Variants in ROBO2 observed in about 807,000 individuals in gnomAD.
ROBO2 encodes roundabout homolog 2.
A neutral mutation model predicts 160.8 loss-of-function variants in ROBO2; 53 were observed. That is an observed-to-expected ratio of 0.33 (90% confidence interval 0.26 to 0.41). The LOEUF is 0.41. ROBO2 is among the 10% of genes least tolerant of loss of function. The probability of loss-of-function intolerance (pLI) is 1.00; values close to 1 mark genes in which losing one functional copy is unlikely to be tolerated. For synonymous variants in ROBO2, 664 were observed against 611.7 expected (o/e 1.09, Z -1.26); for missense variants, 1,577 against 1,722.4 (o/e 0.92, Z 1.49).
intron 2 of ROBO2, among the ~76,000 whole-genome samples, chr3:76,340,829 A>G (rs868097258): frequency 1.3e-5 from 2 of 152,192 alleles, no homozygotes; most frequent in Non-Finnish European, 2.9e-5. Context: ...GAAAGTAACC[A>G]TCAGAGTTCT....
At chr3:76,862,997 TC>T (rs1382178987) in intron 2 of ROBO2, among the ~76,000 whole-genome samples, 1 of 152,104 alleles carries the variant, frequency 6.6e-6, no homozygotes, top group Non-Finnish European at 1.5e-5. Flanking sequence ...AAGTCAGCTT[TC>T]TAGAACACAT....
chr3:77,476,291 A>G (rs1216261817), intron 2 of ROBO2, among the ~76,000 whole-genome samples: 1 of 152,118 alleles, frequency 6.6e-6, no homozygotes, highest in African/African-American at 2.4e-5. Context: ...GTCGCGGCAC[A>G]TGATTTACAT....
intron 2 of ROBO2, among the ~76,000 whole-genome samples, chr3:76,895,124 C>A (rs2074666741): frequency 6.6e-6 from 1 of 151,886 alleles, no homozygotes; most frequent in African/African-American, 2.4e-5. Context: ...TCTATTCATC[C>A]TCTTTTATCT....
chr3:76,035,202 T>C (rs1157448059), intron 2 of ROBO2, among the ~76,000 whole-genome samples: 1 of 151,756 alleles, frequency 6.6e-6, no homozygotes, highest in East Asian at 1.9e-4. Context: ...TTTTTTTTTT[T>C]TTCTAAATCC....
intron 2 of ROBO2, among the ~76,000 whole-genome samples, chr3:76,757,500 G>A (rs1208788296): frequency 6.6e-6 from 1 of 151,818 alleles, no homozygotes; most frequent in Non-Finnish European, 1.5e-5. Flanking sequence ...GCTAGGTGGG[G>A]TTGTTGGCCC....
intron 8 of ROBO2, among the ~76,000 whole-genome samples, chr3:77,553,083 A>G (rs2092977975): frequency 6.6e-6 from 1 of 151,954 alleles, no homozygotes; most frequent in African/African-American, 2.4e-5. Flanking sequence ...CCTGGGTCAA[A>G]CAAGTCTGTT....
At chr3:77,469,296 C>T (rs1170399104) in intron 2 of ROBO2, among the ~76,000 whole-genome samples, 2 of 152,160 alleles carry the variant, frequency 1.3e-5, no homozygotes, top group Non-Finnish European at 2.9e-5. Context: ...ACACTTTGTA[C>T]ATAGCTCCAG....
At chr3:76,108,500 TTATTC>T (rs1333573026) in intron 2 of ROBO2, among the ~76,000 whole-genome samples, 1 of 151,982 alleles carries the variant, frequency 6.6e-6, no homozygotes, top group Non-Finnish European at 1.5e-5. Flanking sequence ...GTCCTAGAAT[TTATTC>T]TATAAAGATT....
At chr3:76,324,804 G>A (rs1212399841) in intron 2 of ROBO2, among the ~76,000 whole-genome samples, 2 of 152,186 alleles carry the variant, frequency 1.3e-5, no homozygotes, top group African/African-American at 4.8e-5. Flanking sequence ...CTGAGAATGT[G>A]ATTTTCTGAT....
chr3:77,064,682 G>A (rs183093596), intron 1 of ROBO2, among the ~76,000 whole-genome samples: 3 of 152,210 alleles, frequency 2.0e-5, no homozygotes, highest in Non-Finnish European at 4.4e-5. Context: ...TTTCATTTCA[G>A]AATAAAAAGT....
intron 1 of ROBO2, among the ~76,000 whole-genome samples, chr3:77,058,373 T>G (rs1231802263): frequency 6.6e-6 from 1 of 152,190 alleles, no homozygotes; most frequent in Non-Finnish European, 1.5e-5. Context: ...AAAATATTAT[T>G]GTGTGCCATC....
At chr3:77,368,807 A>T (rs2071324419) in intron 2 of ROBO2, among the ~76,000 whole-genome samples, 2 of 152,262 alleles carry the variant, frequency 1.3e-5, no homozygotes, top group Admixed American at 6.5e-5. Flanking sequence ...ATGATAGAAA[A>T]TTTTTAGTGC....
intron 5 of ROBO2, among the ~76,000 whole-genome samples, chr3:77,513,985 A>T (rs1255324120): frequency 2.0e-5 from 3 of 151,840 alleles, no homozygotes; most frequent in Non-Finnish European, 4.4e-5. Flanking sequence ...AGACTAGCAG[A>T]TTTCAAAATG....
chr3:76,642,539 A>G (rs2090746377), intron 2 of ROBO2, among the ~76,000 whole-genome samples: 1 of 151,654 alleles, frequency 6.6e-6, no homozygotes, highest in Admixed American at 6.6e-5. Context: ...TTTAGTAGAC[A>G]CGGGGTTTCT....
intron 2 of ROBO2, among the ~76,000 whole-genome samples, chr3:77,213,884 C>T (rs545647240): frequency 2.2e-4 from 33 of 152,138 alleles, no homozygotes; most frequent in East Asian, 3.9e-4. Flanking sequence ...TGTAGTTGAG[C>T]GGTTTTGAGT....
intron 2 of ROBO2, among the ~76,000 whole-genome samples, chr3:76,651,501 T>A (rs147790319): frequency 6.6e-6 from 1 of 152,276 alleles, no homozygotes; most frequent in East Asian, 1.9e-4. Flanking sequence ...ATCTTAAGTT[T>A]ATTATCTTAA....
intron 2 of ROBO2, among the ~76,000 whole-genome samples, chr3:76,653,638 T>A (rs2091354516): frequency 6.6e-6 from 1 of 152,260 alleles, no homozygotes; most frequent in African/African-American, 2.4e-5. Flanking sequence ...TAATTAAATA[T>A]AAAAATCGAG....
At chr3:77,017,350 A>C (rs2062335035) in intron 2 of ROBO2, among the ~76,000 whole-genome samples, 1 of 152,374 alleles carries the variant, frequency 6.6e-6, no homozygotes, top group Admixed American at 6.5e-5. Flanking sequence ...CAAAGTAAAT[A>C]GATAAGGGAA....
chr3:76,933,067 A>G (rs984156356), intron 2 of ROBO2, among the ~76,000 whole-genome samples: 25 of 120,424 alleles, frequency 2.1e-4, no homozygotes, highest in African/African-American at 8.0e-4. Context: ...ACAGGAAGTG[A>G]AACATAAAAT....
Sources: allele counts gnomAD v4.1 joint callset (sites outside exome capture counted in the v4.1 genomes callset), GRCh38; gene constraint gnomAD v4.1.1; transcripts MANE v1.5; gene names NCBI Gene and HGNC (gene_info 2026-07-23, HGNC 2026-07-21).